PATJ: variants seen among roughly 807,000 people sequenced by gnomAD.
The protein encoded by PATJ is PATJ crumbs cell polarity complex component.
PATJ carries 190 observed loss-of-function variants against 224.9 expected under a neutral mutation model. That is an observed-to-expected ratio of 0.84 (90% confidence interval 0.75 to 0.95). PATJ has a LOEUF of 0.95. PATJ is among the 40% of genes least tolerant of loss of function. The pLI is 0.00. For missense variants in PATJ, 2,121 were observed against 2,270.3 expected, an observed-to-expected ratio of 0.93 and a Z score of 1.34; for synonymous variants, 769 against 820.3, an observed-to-expected ratio of 0.94 and a Z score of 1.07.
At chr1:61,760,098 C>G (rs1645879223) in intron 1 of PATJ, among the ~76,000 whole-genome samples, 1 of 152,168 alleles carries the variant, frequency 6.6e-6, no homozygotes, top group Non-Finnish European at 1.5e-5. Flanking sequence ...GAGTACAGTG[C>G]TGTCATGACT....
intron 17 of PATJ, among the ~76,000 whole-genome samples, chr1:61,837,876 C>T (rs1030389405): frequency 4.6e-5 from 7 of 151,616 alleles, no homozygotes; most frequent in Admixed American, 2.0e-4. Flanking sequence ...CTCTCTGGAC[C>T]GGTCAGTGAC....
At chr1:61,901,898 C>T (rs539374055) in intron 24 of PATJ, among the ~76,000 whole-genome samples, 1 of 152,252 alleles carries the variant, frequency 6.6e-6, no homozygotes, top group Non-Finnish European at 1.5e-5. Flanking sequence ...CCATGATTCG[C>T]ACCGGATACG....
chr1:62,016,335 G>T (rs571902337), intron 28 of PATJ, among the ~76,000 whole-genome samples: 2 of 152,252 alleles, frequency 1.3e-5, no homozygotes, highest in South Asian at 4.2e-4. Flanking sequence ...ATTTTTAGAT[G>T]TCTTGAAAGG....
chr1:61,929,630 A>C (rs1452591615), intron 27 of PATJ, among the ~76,000 whole-genome samples: 2 of 152,234 alleles, frequency 1.3e-5, no homozygotes, highest in Non-Finnish European at 2.9e-5. Flanking sequence ...TAGACAGCTA[A>C]CAAATAGTAG....
At chr1:62,080,607 C>T (rs1430803342) in intron 32 of PATJ, among the ~76,000 whole-genome samples, 2 of 152,170 alleles carry the variant, frequency 1.3e-5, no homozygotes, top group African/African-American at 4.8e-5. Flanking sequence ...GCTGGGATTA[C>T]AGACGTGAGC....
At chr1:61,947,136 C>G (rs902817406) in intron 27 of PATJ, among the ~76,000 whole-genome samples, 1 of 152,156 alleles carries the variant, frequency 6.6e-6, no homozygotes, top group African/African-American at 2.4e-5. Context: ...AAACTGGAAG[C>G]ATTCCCTTTG....
At chr1:61,825,983 CTCT>C (rs1220726617) in intron 15 of PATJ, among the ~76,000 whole-genome samples, 1 of 152,166 alleles carries the variant, frequency 6.6e-6, no homozygotes, top group Non-Finnish European at 1.5e-5. Context: ...ACCTCCCTGC[CTCT>C]TCTTGTGTAA....
rs779827854 is a variant in PATJ, at chr1:62,117,224, C to T, written c.4890+6C>T. The T allele has an allele frequency of 3.7e-6, 6 of 1,613,940 alleles. No homozygotes were observed. The highest frequency in any genetic ancestry group is 1.3e-5 in the African/African-American group (1 of 75,040). ...CGACATCACAGAACAGTCAGGTTGTCGATGGCTTCTCATCAGACTGACTCA... is the reference window on the plus strand; with the variant it reads ...CGACATCACAGAACAGTCAGGTTGTTGATGGCTTCTCATCAGACTGACTCA... On this transcript the variant is annotated splice_donor_region_variant and intron_variant, in intron 37 of 43. Transcript: ENST00000642238.
intron 16 of PATJ, among the ~76,000 whole-genome samples, chr1:61,831,121 G>A (rs375965865): frequency 2.2e-4 from 33 of 150,940 alleles, no homozygotes; most frequent in African/African-American, 7.3e-4. Flanking sequence ...CCGAGAGGTG[G>A]AGGTTGCAGT....
At chr1:62,029,924 A>G (rs2148467552) in intron 29 of PATJ, among the ~76,000 whole-genome samples, 2 of 152,296 alleles carry the variant, frequency 1.3e-5, no homozygotes, top group Middle Eastern at 6.8e-3. Flanking sequence ...GGCAAAACAA[A>G]CATCCATAGA....
intron 33 of PATJ, among the ~76,000 whole-genome samples, chr1:62,087,210 G>A (rs1204222593): frequency 4.6e-5 from 7 of 151,856 alleles, no homozygotes; most frequent in Non-Finnish European, 4.4e-5. Flanking sequence ...AGCTGGAGAG[G>A]GGACAGCACA....
intron 28 of PATJ, chr1:61,991,689 A>G (rs1320356941): frequency 1.0e-6 from 1 of 984,254 alleles, no homozygotes; most frequent in African/African-American, 1.7e-5. Flanking sequence ...ATAATATAGC[A>G]CCACGAATGG....
In PATJ at chr1:61,836,165, A is replaced by G. The variant is rs146550060; in HGVS notation, c.2112+2380A>G. 1.7e-4 allele frequency among the ~76,000 whole-genome samples: 26 copies of G among 152,316 alleles called. No individual in the cohort carries two copies. In the East Asian group the frequency reaches 4.8e-3, roughly 28 times the overall value. On this transcript the variant is annotated intron_variant, in intron 17 of 43. Coordinates refer to ENST00000642238, the MANE Select transcript of PATJ (RefSeq NM_001350145.3). ...CCTTCTGAGCTTTACGCTTAAAAAC[A>G]TCTATAGTCAGTTCTAAATGTAGAA...
At chr1:62,020,352 C>T (rs1008341016) in intron 29 of PATJ, among the ~76,000 whole-genome samples, 3 of 152,162 alleles carry the variant, frequency 2.0e-5, no homozygotes, top group East Asian at 3.9e-4. Flanking sequence ...ATCAACAGTA[C>T]GTACCTCTTC....
intron 17 of PATJ, among the ~76,000 whole-genome samples, chr1:61,847,146 G>A (rs1387978279): frequency 6.6e-6 from 1 of 152,190 alleles, no homozygotes; most frequent in Non-Finnish European, 1.5e-5. Flanking sequence ...TATTCAACAG[G>A]AGACCAGAAG....
At chr1:61,783,423 C>CTTTT (rs79615768) in intron 7 of PATJ, among the ~76,000 whole-genome samples, 2 of 119,208 alleles carry the variant, frequency 1.7e-5, no homozygotes, top group Admixed American at 8.7e-5. Context: ...CTTTTCTTTT[C>CTTTT]TTTTTTTTTT....
At chr1:62,092,129 G>A (rs1485154780) in intron 33 of PATJ, among the ~76,000 whole-genome samples, 1 of 151,802 alleles carries the variant, frequency 6.6e-6, no homozygotes, top group Non-Finnish European at 1.5e-5. Flanking sequence ...TGTAATCCCA[G>A]ACTTTTAGGA....
chr1:62,069,156 A>G (rs1305960489), intron 31 of PATJ, among the ~76,000 whole-genome samples: 1 of 152,186 alleles, frequency 6.6e-6, no homozygotes, highest in Non-Finnish European at 1.5e-5. Context: ...CGGAATCACT[A>G]TGTCATTGCT....
At chr1:61,828,329 A>G (rs981688086) in intron 16 of PATJ, among the ~76,000 whole-genome samples, 1 of 152,030 alleles carries the variant, frequency 6.6e-6, no homozygotes, top group Non-Finnish European at 1.5e-5. Flanking sequence ...CAGAGAATGA[A>G]ATAACACTTT....
Sources: gnomAD v4.1 joint callset for allele counts (sites outside exome capture counted in the v4.1 genomes callset) on GRCh38, gnomAD v4.1.1 for gene constraint, MANE v1.5 for transcripts, NCBI Gene and HGNC (gene_info 2026-07-23, HGNC 2026-07-21) for gene names.